Variants in SPON1 observed in about 807,000 individuals in gnomAD.
SPON1 encodes spondin 1.
SPON1 carries 52 observed loss-of-function variants against 111.7 expected under a neutral mutation model. That is an observed-to-expected ratio of 0.47 (90% CI 0.37 to 0.59). The LOEUF (loss-of-function observed/expected upper bound fraction) is 0.59, where lower values mean the gene tolerates loss of function less well. Ranked by LOEUF, SPON1 falls within the 20% of genes least tolerant of loss-of-function variation. The probability of loss-of-function intolerance (pLI) is 0.00; values close to 1 mark genes in which losing one functional copy is unlikely to be tolerated. For synonymous variants in SPON1, 410 were observed against 395.8 expected, an observed-to-expected ratio of 1.04 and a Z score of -0.43; for missense variants, 957 against 1,068.5, an observed-to-expected ratio of 0.90 and a Z score of 1.46.
intron 2 of SPON1, among the ~76,000 whole-genome samples, chr11:14,034,427 G>A: frequency 6.6e-6 from 1 of 152,196 alleles, no homozygotes; most frequent in Non-Finnish European, 1.5e-5. Flanking sequence ...GGAGGTTTGA[G>A]AGCAGGTTCT....
At chr11:14,166,359 C>G (rs1848029643) in intron 6 of SPON1, among the ~76,000 whole-genome samples, 2 of 152,122 alleles carry the variant, frequency 1.3e-5, no homozygotes, top group South Asian at 4.1e-4. Context: ...ATTTTGTTCA[C>G]AAGAGTATAT....
chr11:14,071,943 T>G (rs532657315), intron 3 of SPON1, among the ~76,000 whole-genome samples: 1 of 152,122 alleles, frequency 6.6e-6, no homozygotes, highest in African/African-American at 2.4e-5. Context: ...AAGTGATCCA[T>G]CTATCTCAGC....
At chr11:14,006,888 G>C (rs143315379) in intron 2 of SPON1, among the ~76,000 whole-genome samples, 56 of 150,672 alleles carry the variant, frequency 3.7e-4, no homozygotes, top group African/African-American at 1.1e-3. Flanking sequence ...CCACACATTT[G>C]GTGGCTTAAA....
intron 5 of SPON1, among the ~76,000 whole-genome samples, chr11:14,131,601 C>T (rs76013554): frequency 0.022 from 3,312 of 152,290 alleles, 123 homozygotes; most frequent in African/African-American, 0.075. Flanking sequence ...TTTTGTACAA[C>T]TCTTTACAGC....
At chr11:14,082,259 TGA>T (rs1321452837) in intron 5 of SPON1, among the ~76,000 whole-genome samples, 2 of 152,180 alleles carry the variant, frequency 1.3e-5, no homozygotes, top group African/African-American at 4.8e-5. Context: ...GTGGAGTTGT[TGA>T]GAGTTTCTTA....
At chr11:14,129,164 C>G (rs782292049) in intron 5 of SPON1, among the ~76,000 whole-genome samples, 2 of 151,940 alleles carry the variant, frequency 1.3e-5, no homozygotes, top group Non-Finnish European at 2.9e-5. Context: ...TGAATTTCTC[C>G]CCAGAAAATG....
intron 2 of SPON1, among the ~76,000 whole-genome samples, chr11:14,004,328 G>C (rs1407502361): frequency 6.6e-6 from 1 of 152,168 alleles, no homozygotes; most frequent in African/African-American, 2.4e-5. Flanking sequence ...ATGAGGTAGT[G>C]AGTTTATCTC....
At chr11:14,187,669 C>A (rs557662435) in intron 6 of SPON1, among the ~76,000 whole-genome samples, 118 of 152,214 alleles carry the variant, frequency 7.8e-4, no homozygotes, top group African/African-American at 2.6e-3. Context: ...GGCTGGAGTG[C>A]AGTGGTGCAA....
chr11:14,209,714 A>G (rs7112362), intron 6 of SPON1, among the ~76,000 whole-genome samples: 71,741 of 152,032 alleles, frequency 0.47, 17,645 homozygotes, highest in Middle Eastern at 0.58. Context: ...TAGTGCTGCA[A>G]TAAACATGTG....
chr11:14,245,294 T>A (rs1848976757), intron 7 of SPON1, among the ~76,000 whole-genome samples: 1 of 152,080 alleles, frequency 6.6e-6, no homozygotes, highest in Non-Finnish European at 1.5e-5. Context: ...TTCAGCAAAC[T>A]AATGGCTCAT....
At chr11:13,985,930 T>A (rs1848179108) in intron 2 of SPON1, among the ~76,000 whole-genome samples, 1 of 152,220 alleles carries the variant, frequency 6.6e-6, no homozygotes, top group Non-Finnish European at 1.5e-5. Context: ...TCATAGCCCA[T>A]GCCCCTCATC....
chr11:14,014,895 A>G (rs1848433736), intron 2 of SPON1, among the ~76,000 whole-genome samples: 1 of 152,190 alleles, frequency 6.6e-6, no homozygotes, highest in Admixed American at 6.5e-5. Flanking sequence ...TAAATGTCTC[A>G]TTGTATAGAT....
At chr11:14,110,489 G>T (rs1366372558) in intron 5 of SPON1, among the ~76,000 whole-genome samples, 1 of 152,170 alleles carries the variant, frequency 6.6e-6, no homozygotes, top group Non-Finnish European at 1.5e-5. Context: ...GGGAGAATTA[G>T]CTCACACAAT....
chr11:14,006,820 C>CAGTG (rs782066199), intron 2 of SPON1, among the ~76,000 whole-genome samples: 1 of 152,212 alleles, frequency 6.6e-6, no homozygotes, highest in Non-Finnish European at 1.5e-5. Flanking sequence ...AGTCACATTT[C>CAGTG]AGTGCAGATT....
chr11:14,109,314 G>A (rs782225544), intron 5 of SPON1, among the ~76,000 whole-genome samples: 18 of 152,054 alleles, frequency 1.2e-4, no homozygotes, highest in Non-Finnish European at 2.4e-4. Flanking sequence ...GCTGCTTCAG[G>A]TTTCCCTAGG....
chr11:14,192,901 A>G (rs1848363375), intron 6 of SPON1, among the ~76,000 whole-genome samples: 1 of 152,192 alleles, frequency 6.6e-6, no homozygotes, highest in Non-Finnish European at 1.5e-5. Context: ...AAGAGCATTC[A>G]AATGGACATT....
chr11:13,980,274 C>T (rs1449743424), intron 1 of SPON1, among the ~76,000 whole-genome samples: 2 of 152,168 alleles, frequency 1.3e-5, no homozygotes, highest in African/African-American at 4.8e-5. Flanking sequence ...ACCCTGGCCT[C>T]AAGTGATCCA....
intron 2 of SPON1, among the ~76,000 whole-genome samples, chr11:14,002,028 G>A (rs782025191): frequency 6.6e-6 from 1 of 152,166 alleles, no homozygotes; most frequent in Non-Finnish European, 1.5e-5. Flanking sequence ...ACTTAGTCAT[G>A]ATCAGGCACA....
Position 14,262,872 on chromosome 11 carries a change from A to C in SPON1, c.2157A>C (p.Lys719Asn). 6.2e-7 allele frequency: 1 copy of C among 1,613,842 alleles called. No homozygotes were observed. Among genetic ancestry groups the C allele is most frequent in the Non-Finnish European group, 8.5e-7 (1 of 1,179,868 alleles). The change falls in exon 15 of 16, where the codon AAA becomes AAC. Residue 719 changes from lysine to asparagine, a missense_variant. Lys to Asn is a moderately conservative substitution (Grantham distance 94, BLOSUM62 0). Coordinates refer to ENST00000576479, the MANE Select transcript of SPON1 (RefSeq NM_006108.4). ...AGCGAAAAAAGTGCCGCATCCGAAA[A>C]TGCCTTCGAAATCCATCCATCCAAA... Reference protein sequence around the residue: ...TVQRKKCRIRKCLRNPSIQKL... With the variant: ...TVQRKKCRIRNCLRNPSIQKL...
Sources: gnomAD v4.1 joint callset for allele counts (sites outside exome capture counted in the v4.1 genomes callset) on GRCh38, gnomAD v4.1.1 for gene constraint, MANE v1.5 for transcripts, NCBI Gene and HGNC (gene_info 2026-07-23, HGNC 2026-07-21) for gene names.